Variants in ADAMTS17 observed in about 807,000 individuals in gnomAD.
ADAMTS17 encodes the protein ADAM metallopeptidase with thrombospondin type 1 motif 17.
In ADAMTS17, 113 loss-of-function variants were observed where a neutral mutation model predicts 141.5. That is an observed-to-expected ratio of 0.80 (90% CI 0.69 to 0.93). The LOEUF (loss-of-function observed/expected upper bound fraction) is 0.93. Among genes scored for constraint, ADAMTS17 ranks in the 40% least tolerant of loss-of-function variants. The pLI is 0.00. For synonymous variants in ADAMTS17, 768 were observed against 630.6 expected (o/e 1.22, Z -3.27); for missense variants, 1,659 against 1,517.9 (o/e 1.09, Z -1.54).
Position 100,243,694 on chromosome 15 carries a change from G to A in ADAMTS17, c.1075+10442C>T, listed in dbSNP as rs557418337. On this transcript the variant is annotated intron_variant, in intron 7 of 21. Transcript: ENST00000268070. ...AATCCCAGCTACGTGGGAGGCTGAG[G>A]CAGGAGAACTGCTGGAACCCGGGAG... 4.0e-5 allele frequency among the ~76,000 whole-genome samples: 6 copies of A among 151,838 alleles called. No homozygotes were observed. In the East Asian group the frequency reaches 1.2e-3, roughly 30 times the overall value.
chr15:100,055,524 AG>A (rs1003895684), intron 15 of ADAMTS17, among the ~76,000 whole-genome samples: 4 of 152,186 alleles, frequency 2.6e-5, no homozygotes, highest in African/African-American at 9.6e-5. Context: ...CCTCGCTTCT[AG>A]GAACTTTCCA....
At chr15:100,151,584 G>A (rs544912868) in intron 10 of ADAMTS17, among the ~76,000 whole-genome samples, 1 of 152,264 alleles carries the variant, frequency 6.6e-6, no homozygotes, top group Admixed American at 6.5e-5. Flanking sequence ...TGCCAGTGCT[G>A]GAATAGCCCT....
At chr15:100,000,630 C>T (rs1596195477) in intron 18 of ADAMTS17, among the ~76,000 whole-genome samples, 1 of 152,296 alleles carries the variant, frequency 6.6e-6, no homozygotes, top group South Asian at 2.1e-4. Context: ...TTTCCTGCCT[C>T]AGCCTCCTGA....
chr15:100,152,827 C>G, intron 9 of ADAMTS17, 65 bp from the exon 10 acceptor site: 5 of 1,423,328 alleles, frequency 3.5e-6, no homozygotes, highest in Non-Finnish European at 4.7e-6. Flanking sequence ...TTTTCTTTTT[C>G]TTTTTTTTTT....
intron 4 of ADAMTS17, among the ~76,000 whole-genome samples, chr15:100,280,191 T>C (rs758341764): frequency 7.9e-5 from 12 of 152,312 alleles, no homozygotes; most frequent in Non-Finnish European, 1.3e-4. Context: ...AACTCTTTGC[T>C]GTGGCCCCAT....
intron 14 of ADAMTS17, among the ~76,000 whole-genome samples, chr15:100,105,146 G>A (rs994818973): frequency 1.1e-4 from 16 of 152,218 alleles, no homozygotes; most frequent in African/African-American, 3.6e-4. Context: ...CACCCACCAG[G>A]ATGGTGGCTC....
Position 100,322,297 on chromosome 15 carries a change from A to G in ADAMTS17, c.616+8592T>C, listed in dbSNP as rs2141911704. Among the ~76,000 whole-genome samples the G allele has an allele frequency of 2.0e-5, 3 of 152,270 alleles. No individual in the cohort carries two copies. The South Asian group carries it at 6.2e-4, about 32-fold the overall frequency. On this transcript the variant is annotated intron_variant, in intron 3 of 21. Coordinates refer to ENST00000268070, the MANE Select transcript of ADAMTS17 (RefSeq NM_139057.4). The stretch of plus-strand genomic sequence containing the variant: ...GTATGGGGGAGGCATGCTGGAAAGG[A>G]GAGATCCACAAAGGGGAAGCCGAAA...
In ADAMTS17 at chr15:100,262,370, G is replaced by C. The variant is rs761484052; in HGVS notation, c.855C>G (p.Val285=). 3.1e-6 allele frequency: 5 copies of C among 1,613,846 alleles called. No individual in the cohort carries two copies. In the African/African-American group the frequency reaches 6.7e-5, roughly 22 times the overall value. The change falls in exon 5 of 22, where the codon GTC becomes GTG. Residue 285 remains valine, a synonymous_variant. Transcript: ENST00000268070. ...GACTTACGGGACGTTGTCGTAGCAG[G>C]ACAAGCTTGGTCACTTGAATGTTAA... is the stretch of plus-strand genomic sequence containing the variant. ...IKINIQVTKL[V]LLRQRPAKLS...
At chr15:100,186,060 A>G (rs929889344) in intron 8 of ADAMTS17, among the ~76,000 whole-genome samples, 4 of 152,098 alleles carry the variant, frequency 2.6e-5, no homozygotes, top group African/African-American at 9.7e-5. Context: ...GTGGCCGCCT[A>G]GAGTTGGGAA....
intron 3 of ADAMTS17, among the ~76,000 whole-genome samples, chr15:100,289,965 T>G (rs148076394): frequency 6.6e-6 from 1 of 152,262 alleles, no homozygotes; most frequent in African/African-American, 2.4e-5. Flanking sequence ...AAGACAAGGA[T>G]GCCCACTCTC....
intron 20 of ADAMTS17, among the ~76,000 whole-genome samples, chr15:99,989,917 A>T (rs1469846599): frequency 6.6e-6 from 1 of 152,234 alleles, no homozygotes; most frequent in Non-Finnish European, 1.5e-5. Flanking sequence ...CATCTCTGAG[A>T]AACAGGCAGG....
At chr15:100,206,517 GC>G (rs1227423290) in intron 7 of ADAMTS17, among the ~76,000 whole-genome samples, 2 of 152,198 alleles carry the variant, frequency 1.3e-5, no homozygotes, top group Non-Finnish European at 2.9e-5. Context: ...AAATGAACTT[GC>G]CTTAGTCCCA....
chr15:100,087,791 C>T (rs1367927525), intron 15 of ADAMTS17, among the ~76,000 whole-genome samples: 1 of 152,190 alleles, frequency 6.6e-6, no homozygotes, highest in Non-Finnish European at 1.5e-5. Flanking sequence ...TTCAGCAATG[C>T]TTCTTGCTAA....
Position 100,142,721 on chromosome 15 carries a change from T to G in ADAMTS17, c.1474-9406A>C, listed in dbSNP as rs115451358. On this transcript the variant is annotated intron_variant, in intron 10 of 21. Coordinates refer to ENST00000268070, the MANE Select transcript of ADAMTS17 (RefSeq NM_139057.4). ...TAGAGAGTCCTTCTCAGGCACTGTG[T>G]GATCTAGAAAGCATCTCCACACTGT... Among the ~76,000 whole-genome samples, 679 of 152,264 alleles carry G rather than the reference T, an allele frequency of 4.5e-3. 8 individuals are homozygous for G. Among genetic ancestry groups the G allele is most frequent in the Middle Eastern group, 0.024 (7 of 294 alleles).
intron 3 of ADAMTS17, among the ~76,000 whole-genome samples, chr15:100,313,472 T>C (rs2045466128): frequency 6.6e-6 from 1 of 152,232 alleles, no homozygotes; most frequent in Non-Finnish European, 1.5e-5. Context: ...TTGATACCCA[T>C]GTCCAATTTT....
chr15:100,218,402 C>G (rs150818006), intron 7 of ADAMTS17, among the ~76,000 whole-genome samples: 1 of 152,148 alleles, frequency 6.6e-6, no homozygotes, highest in African/African-American at 2.4e-5. Flanking sequence ...AAACCAAACA[C>G]AATTTTTGAA....
At chr15:100,177,911 C>T (rs932055273) in intron 8 of ADAMTS17, among the ~76,000 whole-genome samples, 1 of 152,082 alleles carries the variant, frequency 6.6e-6, no homozygotes, top group African/African-American at 2.4e-5. Flanking sequence ...TATACAATGT[C>T]CCTCTTTGCC....
chr15:100,162,469 C>T (rs2039745784), intron 8 of ADAMTS17, among the ~76,000 whole-genome samples: 1 of 130,100 alleles, frequency 7.7e-6, no homozygotes, highest in East Asian at 3.3e-4. Flanking sequence ...CACATATACA[C>T]ATTATATGTG....
At chr15:100,158,465 CAT>C (rs2039538098) in intron 8 of ADAMTS17, among the ~76,000 whole-genome samples, 1 of 152,192 alleles carries the variant, frequency 6.6e-6, no homozygotes, top group African/African-American at 2.4e-5. Context: ...AAACACTTCA[CAT>C]GAGAGCTGCC....
Sources: allele counts gnomAD v4.1 joint callset (sites outside exome capture counted in the v4.1 genomes callset), GRCh38; gene constraint gnomAD v4.1.1; transcripts MANE v1.5; gene names NCBI Gene and HGNC (gene_info 2026-07-23, HGNC 2026-07-21).